The following CRTAC1 variants were observed in gnomAD, a reference collection of about 807,000 sequenced individuals.
The protein encoded by CRTAC1 is acidic secreted protein in cartilage.
Under a neutral mutation model 67.8 loss-of-function variants are expected in CRTAC1, and 37 were observed. The observed-to-expected ratio is 0.55, with a 90% CI of 0.42 to 0.72. The LOEUF is 0.72. CRTAC1 is among the 30% of genes least tolerant of loss of function. CRTAC1 has a pLI of 0.00. For synonymous variants in CRTAC1, 348 were observed against 371.0 expected, an observed-to-expected ratio of 0.94 and a Z score of 0.71; for missense variants, 780 against 931.6, an observed-to-expected ratio of 0.84 and a Z score of 2.12.
chr10:97,940,191 G>A (rs914969522), intron 2 of CRTAC1, among the ~76,000 whole-genome samples: 2 of 152,182 alleles, frequency 1.3e-5, no homozygotes, highest in African/African-American at 4.8e-5. Flanking sequence ...ACAATCCTAG[G>A]ACATGGGTCT....
At chr10:97,988,074 G>T (rs944893814) in intron 2 of CRTAC1, among the ~76,000 whole-genome samples, 3 of 152,158 alleles carry the variant, frequency 2.0e-5, no homozygotes, top group African/African-American at 4.8e-5. Flanking sequence ...ACAGGCCAAG[G>T]CACAGACATG....
At chr10:98,025,873 G>A (rs996579725) in intron 1 of CRTAC1, among the ~76,000 whole-genome samples, 1 of 152,152 alleles carries the variant, frequency 6.6e-6, no homozygotes, top group Admixed American at 6.5e-5. Context: ...AATTATCCTG[G>A]GACCCATAAA....
At chr10:97,911,625 A>G (rs1449413169) in intron 5 of CRTAC1, among the ~76,000 whole-genome samples, 1 of 152,194 alleles carries the variant, frequency 6.6e-6, no homozygotes, top group Non-Finnish European at 1.5e-5. Context: ...TGCACCCCTC[A>G]CTGATGCCAT....
intron 1 of CRTAC1, among the ~76,000 whole-genome samples, chr10:98,020,352 T>A (rs1843090733): frequency 6.9e-6 from 1 of 144,318 alleles, no homozygotes; most frequent in Non-Finnish European, 1.5e-5. Flanking sequence ...CTCTAACCCT[T>A]CACATAAGTA....
chr10:97,968,245 T>C (rs1025742120), intron 2 of CRTAC1, among the ~76,000 whole-genome samples: 1 of 152,088 alleles, frequency 6.6e-6, no homozygotes, highest in African/African-American at 2.4e-5. Context: ...GCAATTCTTT[T>C]TGTTTTTGTT....
At chr10:97,887,223 T>C (rs1464824679) in intron 11 of CRTAC1, among the ~76,000 whole-genome samples, 1 of 123,202 alleles carries the variant, frequency 8.1e-6, no homozygotes, top group Non-Finnish European at 1.6e-5. Flanking sequence ...CTTGCGGCAC[T>C]TAGGTTTTTT....
intron 5 of CRTAC1, among the ~76,000 whole-genome samples, chr10:97,909,367 T>C (rs768090844): frequency 1.6e-4 from 25 of 152,322 alleles, no homozygotes; most frequent in Middle Eastern, 3.4e-3. Flanking sequence ...ACACGGCTTC[T>C]AGCCCCAGCC....
chr10:97,893,426 T>C (rs912283894), intron 11 of CRTAC1, among the ~76,000 whole-genome samples: 5 of 152,192 alleles, frequency 3.3e-5, no homozygotes, highest in African/African-American at 2.4e-5. Flanking sequence ...TTCTGAACCA[T>C]TGCATTTCAG....
chr10:98,029,917 T>G lies in CRTAC1; in HGVS notation c.24+532A>C, dbSNP rs1157733640. Among the ~76,000 whole-genome samples the G allele has an allele frequency of 6.6e-6, 1 of 152,026 alleles. No individual in the cohort carries two copies. Among genetic ancestry groups the G allele is most frequent in the Non-Finnish European group, 1.5e-5 (1 of 67,962 alleles). ...CGCGGGGCTGGCTCCCGGAGCTCTC[T>G]GCCACCCAGCGCTGTGCCCGGGAAC... is the stretch of plus-strand genomic sequence containing the variant. On this transcript the variant is annotated intron_variant, in intron 1 of 14. Transcript: ENST00000370597. The surrounding 1 kb of genome is among the most constrained non-coding windows in gnomAD (Gnocchi z 4.7).
chr10:97,936,501 C>T, intron 2 of CRTAC1, 135 bp from the exon 3 acceptor site: 1 of 643,926 alleles, frequency 1.6e-6, no homozygotes. Flanking sequence ...TCCCAGGGAA[C>T]ACGGCCAGCC....
chr10:97,995,371 A>G (rs1254527488), intron 2 of CRTAC1, among the ~76,000 whole-genome samples: 4 of 152,132 alleles, frequency 2.6e-5, no homozygotes, highest in East Asian at 1.9e-4. Flanking sequence ...AACTCTTTCT[A>G]TTTTGCAAGA....
At chr10:97,881,401 T>C (rs758496532) in intron 13 of CRTAC1, among the ~76,000 whole-genome samples, 1 of 152,130 alleles carries the variant, frequency 6.6e-6, no homozygotes, top group Non-Finnish European at 1.5e-5. Context: ...CCCTGACCAC[T>C]CTCTCTGGAA....
chr10:97,879,549 C>T lies in CRTAC1; in HGVS notation c.1819+700G>A, dbSNP rs1249378668. On this transcript the variant is annotated intron_variant, in intron 14 of 14. Transcript: ENST00000370597. ...AACCTTCCCTTTTCAAAGATGGCCA[C>T]CCCTGTTGTCCATTCAGAGGGAGCA... 1.4e-5 allele frequency: 16 copies of T among 1,120,772 alleles called. No homozygotes were observed. The South Asian group carries it at 1.8e-4, about 12-fold the overall frequency. The allele number at this position is 1,120,772 out of a possible 1,614,324, so 69.4% of individuals were successfully genotyped here.
At chr10:97,968,280 T>C (rs556947590) in intron 2 of CRTAC1, among the ~76,000 whole-genome samples, 1 of 152,286 alleles carries the variant, frequency 6.6e-6, no homozygotes. Flanking sequence ...TCTCGCTCTG[T>C]CGCTTAGGCT....
chr10:97,920,558 G>A (rs575110178), intron 4 of CRTAC1, among the ~76,000 whole-genome samples: 94 of 152,202 alleles, frequency 6.2e-4, no homozygotes, highest in African/African-American at 2.1e-3. Flanking sequence ...CAGGTCTGGC[G>A]TGAGCCATGA....
intron 6 of CRTAC1, among the ~76,000 whole-genome samples, chr10:97,905,434 C>T (rs770470946): frequency 2.0e-5 from 3 of 152,284 alleles, no homozygotes; most frequent in South Asian, 2.1e-4. Flanking sequence ...TCACTTCCTC[C>T]GGGAAGCCCT....
intron 3 of CRTAC1, among the ~76,000 whole-genome samples, chr10:97,933,590 CA>C (rs2051035069): frequency 6.6e-6 from 1 of 152,236 alleles, no homozygotes; most frequent in South Asian, 2.1e-4. Context: ...AGAGTCCAGG[CA>C]GAGGATTGGG....
At chr10:97,947,583 AG>A (rs1359415231) in intron 2 of CRTAC1, among the ~76,000 whole-genome samples, 1 of 152,258 alleles carries the variant, frequency 6.6e-6, no homozygotes, top group African/African-American at 2.4e-5. Flanking sequence ...TTCCGTGAAA[AG>A]CCTGTATATG....
chr10:97,926,719 A>G (rs1016414802), intron 3 of CRTAC1, among the ~76,000 whole-genome samples: 1 of 152,168 alleles, frequency 6.6e-6, no homozygotes, highest in African/African-American at 2.4e-5. Flanking sequence ...TATCAATTGA[A>G]TTTCCCACAA....
Sources: gnomAD v4.1 joint callset for allele counts (sites outside exome capture counted in the v4.1 genomes callset) on GRCh38, gnomAD v4.1.1 for gene constraint, Gnocchi (gnomAD v3.1) non-coding constraint, MANE v1.5 for transcripts, NCBI Gene and HGNC (gene_info 2026-07-23, HGNC 2026-07-21) for gene names.